RNF220: variants seen among roughly 807,000 people sequenced by gnomAD.
RNF220 encodes the protein ring finger protein 220.
In RNF220, 7 loss-of-function variants were observed where a neutral mutation model predicts 67.1. The ratio of observed to expected loss-of-function variants is 0.10; its 90% CI spans 0.06 to 0.20. The LOEUF is 0.20. Among genes scored for constraint, RNF220 ranks in the 10% least tolerant of loss-of-function variants. RNF220 has a pLI of 1.00. For synonymous variants in RNF220, 270 were observed against 283.2 expected (o/e 0.95, Z 0.47); for missense variants, 565 against 740.3 (o/e 0.76, Z 2.75).
At chr1:44,626,527 C>A (rs140214974) in intron 5 of RNF220, 129 bp downstream of exon 5, 2 of 699,078 alleles carry the variant, frequency 2.9e-6, no homozygotes, top group Admixed American at 4.7e-5. Flanking sequence ...TTTGGTTCCC[C>A]CTGTGTCCCG....
chr1:44,502,540 T>C (rs1658020425), intron 2 of RNF220, among the ~76,000 whole-genome samples: 1 of 152,200 alleles, frequency 6.6e-6, no homozygotes, highest in South Asian at 2.1e-4. Flanking sequence ...CAGCATTCCT[T>C]GTGTTAGACA....
chr1:44,411,909 C>G (rs1648006724), intron 1 of RNF220, 72 bp from the exon 2 acceptor site: 2 of 627,416 alleles, frequency 3.2e-6, no homozygotes, highest in Non-Finnish European at 5.5e-6. Flanking sequence ...GTTTCGATCA[C>G]TTGGGGTTTC....
At chr1:44,590,305 G>A (rs1483822408) in intron 2 of RNF220, among the ~76,000 whole-genome samples, 1 of 152,240 alleles carries the variant, frequency 6.6e-6, no homozygotes, top group African/African-American at 2.4e-5. Flanking sequence ...AAAGTCCGGG[G>A]AGGGGCTGAA....
intron 2 of RNF220, among the ~76,000 whole-genome samples, chr1:44,440,708 C>T (rs1651458709): frequency 6.6e-6 from 1 of 152,214 alleles, no homozygotes; most frequent in Non-Finnish European, 1.5e-5. Flanking sequence ...ACCCAGTGAT[C>T]TCTTAGATCA....
intron 2 of RNF220, among the ~76,000 whole-genome samples, chr1:44,435,554 T>G (rs1166046058): frequency 6.6e-6 from 1 of 152,160 alleles, no homozygotes; most frequent in Non-Finnish European, 1.5e-5. Flanking sequence ...AGAGGAACAC[T>G]TGGGACCTTT....
intron 2 of RNF220, among the ~76,000 whole-genome samples, chr1:44,581,174 GCACCA>G (rs1162856910): frequency 5.9e-5 from 9 of 152,204 alleles, no homozygotes; most frequent in African/African-American, 2.4e-5. Context: ...TACGGACTCT[GCACCA>G]CACTCACACA....
intron 2 of RNF220, among the ~76,000 whole-genome samples, chr1:44,509,603 A>T (rs963738832): frequency 2.6e-5 from 4 of 151,122 alleles, no homozygotes; most frequent in African/African-American, 9.7e-5. Context: ...GAAAATACGC[A>T]TAGGCTGGGT....
rs1648698893 is a variant in RNF220, at chr1:44,417,665, G to T, written c.625+4943G>T. Among the ~76,000 whole-genome samples, 1 of 151,992 alleles carries T rather than the reference G, an allele frequency of 6.6e-6. No homozygotes were observed. The highest frequency in any genetic ancestry group is 2.1e-4 in the South Asian group (1 of 4,822). ...CCTCCCTCCCATCAATTGTCATGCA[G>T]AAGTGATCCGGGCTGCCGTTTTCTC... On this transcript the variant is annotated intron_variant, in intron 2 of 14. Coordinates refer to ENST00000361799, the MANE Select transcript of RNF220 (RefSeq NM_018150.4). The surrounding 1 kb of genome is among the most constrained non-coding windows in gnomAD (Gnocchi z 4.0).
chr1:44,514,645 T>G (rs1464887895), intron 2 of RNF220, among the ~76,000 whole-genome samples: 1 of 152,242 alleles, frequency 6.6e-6, no homozygotes, highest in East Asian at 1.9e-4. Flanking sequence ...CTCTATGGAC[T>G]AAGCTAAGAA....
chr1:44,441,917 A>T (rs1332328633), intron 2 of RNF220, among the ~76,000 whole-genome samples: 2 of 152,192 alleles, frequency 1.3e-5, no homozygotes, highest in African/African-American at 4.8e-5. Context: ...CGTTACATTG[A>T]GGTTCACATT....
chr1:44,635,853 CTA>C (rs1644313086), intron 7 of RNF220, 175 bp from the exon 8 acceptor site: 1 of 1,335,362 alleles, frequency 7.5e-7, no homozygotes, highest in South Asian at 1.4e-5. Flanking sequence ...CAGCGGAAAA[CTA>C]TTGGGAAGAG....
At position 44,608,219 on chromosome 1, in the gene RNF220, C is replaced by A. The variant is rs77362528; in HGVS notation, c.626-5946C>A. Among the ~76,000 whole-genome samples the A allele has an allele frequency of 1.6e-4, 25 of 152,334 alleles. No individual in the cohort carries two copies. The East Asian group carries it at 4.0e-3, about 25-fold the overall frequency. On this transcript the variant is annotated intron_variant, in intron 2 of 14. Transcript: ENST00000361799. ...GGATTACAGGTTTGAGCCACCACAC[C>A]GGCCCCATGTACTTTTCTTTTCCTA...
At position 44,451,906 on chromosome 1, in the gene RNF220, A is replaced by G. The variant is rs1234553203; in HGVS notation, c.625+39184A>G. Among the ~76,000 whole-genome samples the G allele has an allele frequency of 2.0e-5, 3 of 152,214 alleles. No individual in the cohort carries two copies. In the East Asian group the frequency reaches 5.8e-4, roughly 29 times the overall value. On this transcript the variant is annotated intron_variant, in intron 2 of 14. Transcript: ENST00000361799. ...AGTGCTGGGATTACAGGCGTGAGCCACCGCGCCCAGCCTTAACTCTTCTGT... is the reference window on the plus strand; with the variant it reads ...AGTGCTGGGATTACAGGCGTGAGCCGCCGCGCCCAGCCTTAACTCTTCTGT...
chr1:44,642,215 C>T lies in RNF220; in HGVS notation c.1127-2483C>T, dbSNP rs1573175276. On this transcript the variant is annotated intron_variant, in intron 8 of 14. Transcript: ENST00000361799. ...AGTTACACAGGATTCTGGGTGGACA[C>T]CAGGGAAGGGACACCTGTGTATAAG... Among the ~76,000 whole-genome samples, 5 of 152,298 alleles carry T rather than the reference C, an allele frequency of 3.3e-5. No homozygotes were observed. In the East Asian group the frequency reaches 7.7e-4, roughly 23 times the overall value.
chr1:44,423,739 G>A (rs1183098449), intron 2 of RNF220: 9 of 602,146 alleles, frequency 1.5e-5, no homozygotes, highest in South Asian at 1.5e-4. Flanking sequence ...TAGAGTACTC[G>A]CTTGGCCGTT....
chr1:44,629,650 C>A (rs993492830), intron 5 of RNF220, among the ~76,000 whole-genome samples: 2 of 151,578 alleles, frequency 1.3e-5, no homozygotes, highest in African/African-American at 4.9e-5. Flanking sequence ...CCAGCCTGGG[C>A]AACATGGCAA....
In RNF220 at chr1:44,465,439, A is replaced by T. The variant is rs574052621; in HGVS notation, c.625+52717A>T. On this transcript the variant is annotated intron_variant, in intron 2 of 14. Transcript: ENST00000361799. ...TTACTCTTAGATAAATCCATGTGCC[A>T]TTTTTTTTTTTTTTTAGGTGGACCC... Among the ~76,000 whole-genome samples, 195 of 144,428 alleles carry T rather than the reference A, an allele frequency of 1.4e-3. 1 individual carries two copies. The highest frequency in any genetic ancestry group is 4.8e-3 in the African/African-American group (191 of 39,646). The allele number at this position is 144,428 out of a possible 152,430, so 94.8% of individuals were successfully genotyped here.
rs1057448596 is a variant in RNF220, at chr1:44,436,498, G to C, written c.625+23776G>C. 2.0e-5 allele frequency among the ~76,000 whole-genome samples: 3 copies of C among 152,136 alleles called. No individual in the cohort carries two copies. The East Asian group carries it at 5.8e-4, about 29-fold the overall frequency. On this transcript the variant is annotated intron_variant, in intron 2 of 14. Transcript: ENST00000361799. The stretch of plus-strand genomic sequence containing the variant: ...CTGCTAGCACAAAGGCCAGGGGAGG[G>C]ACTTGCAGAGAAAGACAAGGAAGTG...
At chr1:44,551,880 G>A (rs938833550) in intron 2 of RNF220, among the ~76,000 whole-genome samples, 2 of 152,128 alleles carry the variant, frequency 1.3e-5, no homozygotes, top group Admixed American at 6.6e-5. Flanking sequence ...ATTCCCACAA[G>A]CTATGCTTTA....
Sources: gnomAD v4.1 joint callset for allele counts (sites outside exome capture counted in the v4.1 genomes callset) on GRCh38, gnomAD v4.1.1 for gene constraint, Gnocchi (gnomAD v3.1) non-coding constraint, MANE v1.5 for transcripts, NCBI Gene and HGNC (gene_info 2026-07-23, HGNC 2026-07-21) for gene names.